HS3ST4: variants seen among roughly 807,000 people sequenced by gnomAD.
The protein encoded by HS3ST4 is heparan sulfate glucosamine 3-O-sulfotransferase 4.
In HS3ST4, 17 loss-of-function variants were observed where a neutral mutation model predicts 29.2. The observed-to-expected ratio is 0.58, with a 90% CI of 0.40 to 0.87. HS3ST4 has a LOEUF of 0.87. HS3ST4 is among the 40% of genes least tolerant of loss of function. The pLI, the probability that HS3ST4 is intolerant of heterozygous loss-of-function variation, is 0.00. For synonymous variants in HS3ST4, 314 were observed against 285.7 expected, an observed-to-expected ratio of 1.10 and a Z score of -1.00; for missense variants, 627 against 634.5, an observed-to-expected ratio of 0.99 and a Z score of 0.13.
intron 1 of HS3ST4, among the ~76,000 whole-genome samples, chr16:25,975,270 A>G (rs765184549): frequency 2.1e-5 from 3 of 141,980 alleles, no homozygotes; most frequent in Non-Finnish European, 4.6e-5. Context: ...GAAGGGAACA[A>G]TGGACACTGG....
At chr16:25,859,593 G>A (rs753701676) in intron 1 of HS3ST4, among the ~76,000 whole-genome samples, 11 of 152,164 alleles carry the variant, frequency 7.2e-5, no homozygotes, top group Non-Finnish European at 1.0e-4. Context: ...GCTGCCCGTA[G>A]TATTTTGAGC....
chr16:26,039,284 CCCAGAAG>C (rs1212325188), intron 1 of HS3ST4, among the ~76,000 whole-genome samples: 3 of 152,108 alleles, frequency 2.0e-5, no homozygotes, highest in Non-Finnish European at 4.4e-5. Flanking sequence ...ATCTTTCCTT[CCCAGAAG>C]GAATCTTGCC....
intron 1 of HS3ST4, among the ~76,000 whole-genome samples, chr16:25,774,593 T>C (rs1966845823): frequency 1.3e-5 from 2 of 152,246 alleles, no homozygotes; most frequent in South Asian, 4.1e-4. Flanking sequence ...CTTATTAATA[T>C]GTCTATACTT....
At chr16:26,060,110 ATTGT>A (rs1427393190) in intron 1 of HS3ST4, among the ~76,000 whole-genome samples, 1 of 152,042 alleles carries the variant, frequency 6.6e-6, no homozygotes, top group African/African-American at 2.4e-5. Flanking sequence ...GATTGTTTTG[ATTGT>A]TGTCAGAACC....
intron 1 of HS3ST4, among the ~76,000 whole-genome samples, chr16:26,073,531 C>T (rs568847346): frequency 3.9e-5 from 6 of 152,168 alleles, no homozygotes; most frequent in African/African-American, 9.6e-5. Context: ...TGCCATCATG[C>T]GTGGCTAATT....
At chr16:25,699,403 C>T (rs188225762) in intron 1 of HS3ST4, among the ~76,000 whole-genome samples, 245 of 152,346 alleles carry the variant, frequency 1.6e-3, no homozygotes, top group African/African-American at 5.7e-3. Flanking sequence ...CCTCCGTTCT[C>T]AATTAACGTT....
chr16:25,693,054 C>G lies in HS3ST4; in HGVS notation c.637C>G (p.Leu213Val). 6.2e-7 allele frequency: 1 copy of G among 1,609,654 alleles called. No homozygotes were observed. Among genetic ancestry groups the G allele is most frequent in the Non-Finnish European group, 8.5e-7 (1 of 1,178,410 alleles). Residue 213 changes from leucine (L) to valine (V), a missense_variant, in exon 1 of 2, where the codon CTG (leucine) becomes GTG (valine). By Grantham distance (32) the Leu-to-Val change is conservative (BLOSUM62 1). Transcript: ENST00000331351. ...GGTCAAGAAAGGAGGGACCCGCGCG[C>G]TGCTGGAGGCGATCCGCGTGCACCC... is the stretch of plus-strand genomic sequence containing the variant. ...IGVKKGGTRA[L>V]LEAIRVHPDV...
At chr16:26,042,862 T>G (rs1338885603) in intron 1 of HS3ST4, among the ~76,000 whole-genome samples, 1 of 152,162 alleles carries the variant, frequency 6.6e-6, no homozygotes, top group African/African-American at 2.4e-5. Flanking sequence ...AAATCAATAT[T>G]TAGAGTGGTT....
chr16:25,887,998 G>A (rs1161139229), intron 1 of HS3ST4, among the ~76,000 whole-genome samples: 5 of 152,136 alleles, frequency 3.3e-5, no homozygotes, highest in South Asian at 4.2e-4. Flanking sequence ...CGCCCGTCCC[G>A]CTACACTTGA....
chr16:26,100,108 G>A (rs981016498), intron 1 of HS3ST4, among the ~76,000 whole-genome samples: 2 of 152,018 alleles, frequency 1.3e-5, no homozygotes, highest in Non-Finnish European at 2.9e-5. Context: ...ACATACAGAC[G>A]GGAAGAACTG....
At chr16:25,914,914 T>TA (rs1968277386) in intron 1 of HS3ST4, among the ~76,000 whole-genome samples, 1 of 151,770 alleles carries the variant, frequency 6.6e-6, no homozygotes, top group Admixed American at 6.6e-5. Flanking sequence ...TTTTAAAAGA[T>TA]ACAATTAAAA....
At chr16:25,999,875 A>T (rs1483383537) in intron 1 of HS3ST4, among the ~76,000 whole-genome samples, 5 of 123,214 alleles carry the variant, frequency 4.1e-5, no homozygotes, top group Admixed American at 2.8e-4. Flanking sequence ...TATATATTTT[A>T]TATATATTAT....
chr16:26,041,559 G>C (rs2141758986), intron 1 of HS3ST4, among the ~76,000 whole-genome samples: 1 of 152,118 alleles, frequency 6.6e-6, no homozygotes, highest in Admixed American at 6.5e-5. Context: ...GGGAGCCATT[G>C]GTCTACATCA....
At chr16:25,976,762 G>C (rs1968947395) in intron 1 of HS3ST4, among the ~76,000 whole-genome samples, 1 of 152,100 alleles carries the variant, frequency 6.6e-6, no homozygotes, top group Non-Finnish European at 1.5e-5. Context: ...TTTTGTAAAT[G>C]ACCAGAGATA....
rs558923226 is a variant in HS3ST4 at position 26,102,931 on chromosome 16, G to A, written c.735-32681G>A. 1.4e-4 allele frequency among the ~76,000 whole-genome samples: 21 copies of A among 152,320 alleles called. No homozygotes were observed. The South Asian group carries it at 3.3e-3, about 24-fold the overall frequency. ...ACTGCTCTGACATTTTAGACATAAA[G>A]CTAGCAAGACTGCTTTGGGTGTAAA... is the stretch of plus-strand genomic sequence containing the variant. On this transcript the variant is annotated intron_variant, in intron 1 of 1. Transcript: ENST00000331351.
At chr16:25,777,454 CGT>C (rs1966848643) in intron 1 of HS3ST4, among the ~76,000 whole-genome samples, 1 of 149,676 alleles carries the variant, frequency 6.7e-6, no homozygotes, top group African/African-American at 2.5e-5. Flanking sequence ...TGTGCACGTC[CGT>C]GTGTGTGTGC....
chr16:26,087,995 T>C (rs576064014), intron 1 of HS3ST4, among the ~76,000 whole-genome samples: 19 of 152,316 alleles, frequency 1.2e-4, no homozygotes, highest in African/African-American at 4.3e-4. Flanking sequence ...ACATCCCCAA[T>C]TGCTTAAAAG....
intron 1 of HS3ST4, among the ~76,000 whole-genome samples, chr16:25,715,581 C>T (rs1395869219): frequency 6.6e-6 from 1 of 152,124 alleles, no homozygotes; most frequent in Non-Finnish European, 1.5e-5. Context: ...AAAGCAAATA[C>T]TTCTCTTCTC....
chr16:25,697,822 A>AC, intron 1 of HS3ST4, among the ~76,000 whole-genome samples: 1 of 152,198 alleles, frequency 6.6e-6, no homozygotes, highest in Non-Finnish European at 1.5e-5. Context: ...ACAGGTGCGC[A>AC]CCACCACGTC....
Sources: gnomAD v4.1 joint callset for allele counts (sites outside exome capture counted in the v4.1 genomes callset) on GRCh38, gnomAD v4.1.1 for gene constraint, MANE v1.5 for transcripts, NCBI Gene and HGNC (gene_info 2026-07-23, HGNC 2026-07-21) for gene names.